COL23A1: variants seen among roughly 807,000 people sequenced by gnomAD.
COL23A1 encodes collagen alpha-1(XXIII) chain.
In COL23A1, 97 loss-of-function variants were observed where a neutral mutation model predicts 99.3. The ratio of observed to expected loss-of-function variants is 0.98; its 90% CI spans 0.83 to 1.16. The LOEUF is 1.16. Ranked by LOEUF, COL23A1 falls within the 50% of genes most tolerant of loss-of-function variation. COL23A1 has a pLI of 0.00. For synonymous variants in COL23A1, 320 were observed against 308.2 expected (o/e 1.04, Z -0.40); for missense variants, 762 against 757.4 (o/e 1.01, Z -0.07).
rs116451263 is a variant in COL23A1 at position 178,282,497 on chromosome 5, G to A, written c.441+5827C>T. Among the ~76,000 whole-genome samples, 538 of 152,298 alleles carry A rather than the reference G, an allele frequency of 3.5e-3. 7 individuals are homozygous for A. The highest frequency in any genetic ancestry group is 0.012 in the African/African-American group (505 of 41,566). ...CCAATAAGCAGCCCATCCTGGCCCC[G>A]GCCCTGCTACTGTAGACAGCTTGAG... On this transcript the variant is annotated intron_variant, in intron 5 of 28. Transcript: ENST00000390654.
intron 2 of COL23A1, among the ~76,000 whole-genome samples, chr5:178,337,136 C>G (rs1441481363): frequency 6.6e-6 from 1 of 152,216 alleles, no homozygotes. Flanking sequence ...GGAAGTTGCA[C>G]GTGTGGGCCA....
Position 178,498,251 on chromosome 5 carries a change from TATATATAA to T in COL23A1, c.361+62423_361+62430del, listed in dbSNP as rs1190420591. On this transcript the variant is annotated intron_variant, in intron 2 of 28. Transcript: ENST00000390654. ...ATATATATATATATATATATATATA[TATATATAA>T]AAGAACTTAAAAATAAAAAAATAAA... Among the ~76,000 whole-genome samples, 68 of 58,422 alleles carry T rather than the reference TATATATAA, an allele frequency of 1.2e-3. 1 individual carries two copies. Among genetic ancestry groups the T allele is most frequent in the Non-Finnish European group, 1.0e-3 (36 of 35,078 alleles). The allele number at this position is 58,422 out of a possible 152,430, so 38.3% of individuals were successfully genotyped here. A position where few individuals can be genotyped will look rare whatever the true frequency, so the allele number is the denominator to read the frequency against.
Position 178,590,369 on chromosome 5 carries a change from C to A in COL23A1, c.-172G>T, listed in dbSNP as rs566530614. 475 of 455,608 alleles carry A rather than the reference C, an allele frequency of 1.0e-3. 1 individual carries two copies. Among genetic ancestry groups the A allele is most frequent in the South Asian group, 1.4e-3 (13 of 9,120 alleles). The allele number at this position is 455,608 out of a possible 1,614,324, so 28.2% of individuals were successfully genotyped here. ...GCCCCCTTCGCCGCAGCCAGCTCCT[C>A]CACAGCGGCCACTTTGGGCAGTTTC... On this transcript the variant is annotated 5_prime_UTR_variant, in exon 1 of 29. Coordinates refer to ENST00000390654, the MANE Select transcript of COL23A1 (RefSeq NM_173465.4). This position sits in a 1 kb window ranked among gnomAD's most constrained non-coding sequence, Gnocchi z 5.7.
intron 3 of COL23A1, among the ~76,000 whole-genome samples, chr5:178,302,501 G>T (rs374412800): frequency 6.6e-6 from 1 of 152,116 alleles, no homozygotes; most frequent in Non-Finnish European, 1.5e-5. Context: ...GCTGGAGCAC[G>T]GCTTCGATGC....
chr5:178,585,237 C>G (rs1763868954), intron 1 of COL23A1, among the ~76,000 whole-genome samples: 2 of 152,166 alleles, frequency 1.3e-5, no homozygotes, highest in South Asian at 4.1e-4. Flanking sequence ...CCCGCTCTGC[C>G]CCACCCTCCT....
At chr5:178,394,783 C>T (rs1054761955) in intron 2 of COL23A1, among the ~76,000 whole-genome samples, 1 of 152,186 alleles carries the variant, frequency 6.6e-6, no homozygotes, top group African/African-American at 2.4e-5. Context: ...GCTAGAATTA[C>T]AAGGCCCTGG....
intron 5 of COL23A1, among the ~76,000 whole-genome samples, chr5:178,282,314 G>C (rs1483050794): frequency 1.3e-5 from 2 of 151,968 alleles, no homozygotes; most frequent in East Asian, 3.8e-4. Flanking sequence ...TTCTTTTTTC[G>C]TAAAGCAGGA....
chr5:178,531,316 C>T (rs1760635679), intron 2 of COL23A1, among the ~76,000 whole-genome samples: 1 of 152,174 alleles, frequency 6.6e-6, no homozygotes, highest in East Asian at 1.9e-4. Context: ...CAGCGACTTG[C>T]CCTAACATGA....
chr5:178,345,996 C>G (rs561142827), intron 2 of COL23A1, among the ~76,000 whole-genome samples: 68 of 152,068 alleles, frequency 4.5e-4, no homozygotes, highest in Non-Finnish European at 7.5e-4. Flanking sequence ...GGACTCATAT[C>G]TAAGATAGAG....
At chr5:178,244,433 T>A (rs1404320911) in intron 25 of COL23A1, among the ~76,000 whole-genome samples, 2 of 152,178 alleles carry the variant, frequency 1.3e-5, no homozygotes, top group Non-Finnish European at 2.9e-5. Flanking sequence ...CAGTCCATGG[T>A]CTCACTAGTC....
At chr5:178,245,136 CAT>C (rs563159643) in intron 25 of COL23A1, among the ~76,000 whole-genome samples, 133 of 150,284 alleles carry the variant, frequency 8.8e-4, no homozygotes, top group African/African-American at 2.9e-3. Context: ...TCCATCCACT[CAT>C]CATCTATCAT....
chr5:178,357,207 C>T (rs1761705866), intron 2 of COL23A1, among the ~76,000 whole-genome samples: 1 of 152,226 alleles, frequency 6.6e-6, no homozygotes, highest in South Asian at 2.1e-4. Flanking sequence ...ACCTTGAGGG[C>T]GCCTGCCCAG....
At chr5:178,442,229 G>A (rs1312571096) in intron 2 of COL23A1, among the ~76,000 whole-genome samples, 1 of 151,380 alleles carries the variant, frequency 6.6e-6, no homozygotes, top group East Asian at 2.0e-4. Flanking sequence ...ATGGGTGGGT[G>A]GTCAGGAAAG....
chr5:178,559,633 C>A (rs569000278), intron 2 of COL23A1, among the ~76,000 whole-genome samples: 41 of 135,776 alleles, frequency 3.0e-4, no homozygotes, highest in African/African-American at 1.2e-3. Context: ...CCAAAAGTCA[C>A]CTTTCCCTGC....
At chr5:178,322,205 G>T (rs1438811774) in intron 2 of COL23A1, among the ~76,000 whole-genome samples, 1 of 151,494 alleles carries the variant, frequency 6.6e-6, no homozygotes, top group African/African-American at 2.4e-5. Flanking sequence ...TGTTGGCCAG[G>T]CTGTTCTTGA....
intron 2 of COL23A1, among the ~76,000 whole-genome samples, chr5:178,462,535 T>C (rs1756178440): frequency 6.6e-6 from 1 of 152,222 alleles, no homozygotes; most frequent in South Asian, 2.1e-4. Flanking sequence ...GCTTCGAGTT[T>C]CTATAAATCA....
chr5:178,436,411 T>C (rs1238789303), intron 2 of COL23A1, among the ~76,000 whole-genome samples: 10 of 150,326 alleles, frequency 6.7e-5, no homozygotes, highest in East Asian at 4.0e-4. Context: ...CAAGGCTGCA[T>C]TGGGGGGTGG....
intron 2 of COL23A1, among the ~76,000 whole-genome samples, chr5:178,339,213 A>C (rs1338377416): frequency 6.6e-6 from 1 of 152,180 alleles, no homozygotes; most frequent in African/African-American, 2.4e-5. Context: ...CCTTGGGGCC[A>C]TACAGAACAA....
At chr5:178,450,692 C>T (rs532835855) in intron 2 of COL23A1, among the ~76,000 whole-genome samples, 62 of 152,300 alleles carry the variant, frequency 4.1e-4, no homozygotes, top group African/African-American at 1.4e-3. Context: ...TAACAATAGC[C>T]AGCTTTTGTT....
Sources: allele counts gnomAD v4.1 joint callset (sites outside exome capture counted in the v4.1 genomes callset), GRCh38; gene constraint gnomAD v4.1.1; non-coding constraint Gnocchi (gnomAD v3.1); transcripts MANE v1.5; gene names NCBI Gene and HGNC (gene_info 2026-07-23, HGNC 2026-07-21).